The following IFT81 variants were observed in gnomAD, a reference collection of about 807,000 sequenced individuals.
IFT81 encodes the protein intraflagellar transport protein 81 homolog.
In IFT81, 72 loss-of-function variants were observed where a neutral mutation model predicts 102.6. That is an observed-to-expected ratio of 0.70 (90% CI 0.58 to 0.85). The LOEUF (loss-of-function observed/expected upper bound fraction) is 0.85, where lower values mean the gene tolerates loss of function less well. IFT81 is among the 40% of genes least tolerant of loss of function. The pLI is 0.00. For missense variants in IFT81, 723 were observed against 787.3 expected, an observed-to-expected ratio of 0.92 and a Z score of 0.98; for synonymous variants, 237 against 242.7, an observed-to-expected ratio of 0.98 and a Z score of 0.22.
In IFT81 at chr12:110,192,813, G is replaced by C. The variant is rs1204672954; in HGVS notation, c.1557+107G>C. The C allele has an allele frequency of 4.8e-6, 3 of 624,490 alleles. No individual in the cohort carries two copies. In the African/African-American group the frequency reaches 5.8e-5, roughly 12 times the overall value. 38.7% of individuals were successfully genotyped at this position (624,490 alleles called of 1,614,324 possible). ...CTGGATATTTTACTTGGGTAATATA[G>C]AAAACAAATTATCATTATTACGTTA... On this transcript the variant is annotated intron_variant, in intron 14 of 18. Coordinates refer to ENST00000242591, the MANE Select transcript of IFT81 (RefSeq NM_014055.4).
At chr12:110,205,360 C>T in intron 15 of IFT81, 83 bp from the exon 16 acceptor site, 1 of 1,427,598 alleles carries the variant, frequency 7.0e-7, no homozygotes, top group Admixed American at 2.9e-5. Context: ...GATGGTAGTC[C>T]TTTGTTGTAC....
intron 12 of IFT81, among the ~76,000 whole-genome samples, chr12:110,185,351 A>ATT (rs150670759): frequency 8.0e-5 from 12 of 150,804 alleles, no homozygotes; most frequent in Non-Finnish European, 1.6e-4. Context: ...ATGCCCAACT[A>ATT]TTTTTTTGTA....
intron 10 of IFT81, among the ~76,000 whole-genome samples, chr12:110,151,654 C>G (rs1895535744): frequency 6.6e-6 from 1 of 152,120 alleles, no homozygotes; most frequent in African/African-American, 2.4e-5. Flanking sequence ...ACCTCACATA[C>G]TTATTGTTTT....
rs757208200 is a variant in IFT81 at position 110,218,091 on chromosome 12, T to A, written c.1896T>A (p.Asn632Lys). The A allele has an allele frequency of 6.2e-7, 1 of 1,604,690 alleles. No homozygotes were observed. The highest frequency in any genetic ancestry group is 8.5e-7 in the Non-Finnish European group (1 of 1,177,458). ...QKVIRESHGP[N>K]MKQAKMWRDL... ...TTATACGAGAAAGTCATGGTCCAAA[T>A]ATGAAACAAGCAAAAATGTGGCGTG... Residue 632 changes from asparagine to lysine, a missense_variant, in exon 19 of 19, where the codon AAT (asparagine) becomes AAA (lysine). Asn to Lys is a moderately conservative substitution (Grantham distance 94). Transcript: ENST00000242591.
At chr12:110,127,886 T>C (rs1348796287) in intron 2 of IFT81, among the ~76,000 whole-genome samples, 160 bp from the exon 3 acceptor site, 1 of 152,212 alleles carries the variant, frequency 6.6e-6, no homozygotes, top group Admixed American at 6.5e-5. Flanking sequence ...CTGACTTGGG[T>C]GTACCCTCAC....
intron 6 of IFT81, 82 bp downstream of exon 6, chr12:110,135,095 G>C (rs1210382522): frequency 1.8e-6 from 2 of 1,087,262 alleles, no homozygotes; most frequent in Non-Finnish European, 2.7e-6. Flanking sequence ...TAAAGATTCA[G>C]CCAAGCATGA....
At chr12:110,177,923 C>T (rs951484768) in intron 11 of IFT81, among the ~76,000 whole-genome samples, 7 of 149,706 alleles carry the variant, frequency 4.7e-5, no homozygotes, top group African/African-American at 1.7e-4. Flanking sequence ...GGTGAAACCC[C>T]ATCTCTACTA....
intron 18 of IFT81, among the ~76,000 whole-genome samples, chr12:110,213,556 T>C (rs1052002732): frequency 6.6e-6 from 1 of 152,228 alleles, no homozygotes; most frequent in Admixed American, 6.5e-5. Context: ...CATTAGAAGT[T>C]GCACAGTGGT....
chr12:110,171,185 G>A (rs1042631322), intron 11 of IFT81, among the ~76,000 whole-genome samples: 2 of 151,922 alleles, frequency 1.3e-5, no homozygotes, highest in Admixed American at 6.6e-5. Flanking sequence ...TCAGTTCACT[G>A]TAATAGAAGT....
rs565260591 is a variant in IFT81 at position 110,188,377 on chromosome 12, G to A, written c.1339-2543G>A. 6.6e-5 allele frequency among the ~76,000 whole-genome samples: 10 copies of A among 150,804 alleles called. No individual in the cohort carries two copies. In the Middle Eastern group the frequency reaches 0.014, roughly 205 times the overall value. ...AAAAATAACCCATCTGCTGATTTCC[G>A]CTTGGTTTTTGAGAGCCTTACTCTG... On this transcript the variant is annotated intron_variant, in intron 12 of 18. Transcript: ENST00000242591.
intron 11 of IFT81, among the ~76,000 whole-genome samples, chr12:110,179,769 T>TACACACACACACACAC (rs1299408451): frequency 3.1e-5 from 2 of 65,396 alleles, no homozygotes; most frequent in African/African-American, 5.4e-5. Context: ...TATATATATA[T>TACACACACACACACAC]ATATACACAC....
chr12:110,206,081 A>G (rs571868549), intron 17 of IFT81, among the ~76,000 whole-genome samples: 11 of 152,312 alleles, frequency 7.2e-5, no homozygotes, highest in African/African-American at 2.6e-4. Flanking sequence ...GAATATATAT[A>G]ATTTCATAAT....
chr12:110,217,907 G>A (rs568390227), intron 18 of IFT81, 137 bp from the exon 19 acceptor site: 2 of 602,308 alleles, frequency 3.3e-6, no homozygotes, highest in African/African-American at 3.9e-5. Context: ...TCTTAGTTTT[G>A]GTACATTATA....
intron 10 of IFT81, among the ~76,000 whole-genome samples, chr12:110,149,481 G>A (rs1220944045): frequency 1.3e-5 from 2 of 152,142 alleles, no homozygotes; most frequent in Non-Finnish European, 2.9e-5. Flanking sequence ...AGCTCAATTA[G>A]ACCCCTACCT....
At chr12:110,160,803 T>C (rs952754169) in intron 10 of IFT81, among the ~76,000 whole-genome samples, 1 of 152,248 alleles carries the variant, frequency 6.6e-6, no homozygotes, top group Non-Finnish European at 1.5e-5. Context: ...TTGATTTGGT[T>C]TCTGTAGTTT....
intron 18 of IFT81, among the ~76,000 whole-genome samples, chr12:110,215,453 CTTTTTTTTTTTT>C (rs556887393): frequency 4.8e-5 from 3 of 61,934 alleles, no homozygotes; most frequent in Admixed American, 2.2e-4. Context: ...TCTTCTTCTT[CTTTTTTTTTTTT>C]TTTTTTTTTT....
chr12:110,218,284 A>AGACC lies in IFT81; in HGVS notation c.*58_*59insGACC. 1 of 1,234,586 alleles carries AGACC rather than the reference A, an allele frequency of 8.1e-7. No homozygotes were observed. Among genetic ancestry groups the AGACC allele is most frequent in the Non-Finnish European group, 1.1e-6 (1 of 918,410 alleles). 76.5% of individuals were successfully genotyped at this position (1,234,586 alleles called of 1,614,324 possible). A position where few individuals can be genotyped will look rare whatever the true frequency, so the allele number is the denominator to read the frequency against. On this transcript the variant is annotated 3_prime_UTR_variant, in exon 19 of 19. Coordinates refer to ENST00000242591, the MANE Select transcript of IFT81 (RefSeq NM_014055.4). ...TACCACTAGCTATAAGCCTAATCTC[A>AGACC]TAATGTATTTCTTTTTTGAAACTGA...
chr12:110,184,119 G>C (rs1897417265), intron 12 of IFT81, among the ~76,000 whole-genome samples: 1 of 152,198 alleles, frequency 6.6e-6, no homozygotes. Context: ...GGGAGGCCGA[G>C]GCGGGTGGAT....
chr12:110,192,067 A>G (rs1187717166), intron 13 of IFT81, among the ~76,000 whole-genome samples: 1 of 151,620 alleles, frequency 6.6e-6, no homozygotes, highest in African/African-American at 2.4e-5. Flanking sequence ...GCTTCTCAGG[A>G]GGCTGAGGCA....
Sources: gnomAD v4.1 joint callset for allele counts (sites outside exome capture counted in the v4.1 genomes callset) on GRCh38, gnomAD v4.1.1 for gene constraint, MANE v1.5 for transcripts, NCBI Gene and HGNC (gene_info 2026-07-23, HGNC 2026-07-21) for gene names.